Variants in CDH12 observed in about 807,000 individuals in gnomAD.
CDH12 encodes the protein cadherin-12.
A neutral mutation model predicts 74.1 loss-of-function variants in CDH12; 41 were observed. The observed-to-expected ratio is 0.55, with a 90% CI of 0.43 to 0.72. The LOEUF (loss-of-function observed/expected upper bound fraction) is 0.72, where lower values mean the gene tolerates loss of function less well. CDH12 is among the 30% of genes least tolerant of loss of function. The probability of loss-of-function intolerance (pLI) is 0.00; values close to 1 mark genes in which losing one functional copy is unlikely to be tolerated. For synonymous variants in CDH12, 399 were observed against 355.0 expected (o/e 1.12, Z -1.39); for missense variants, 945 against 977.2 (o/e 0.97, Z 0.44).
At position 21,981,441 on chromosome 5, in the gene CDH12, T is replaced by C. The variant is rs535604665; in HGVS notation, c.232-6056A>G. Among the ~76,000 whole-genome samples, 1,363 of 152,204 alleles carry C rather than the reference T, an allele frequency of 9.0e-3. 9 individuals carry two copies. The highest frequency in any genetic ancestry group is 0.016 in the South Asian group (79 of 4,830). On this transcript the variant is annotated intron_variant, in intron 5 of 14. Coordinates refer to ENST00000382254, the MANE Select transcript of CDH12 (RefSeq NM_004061.5). ...TCTATCTGTTAACCCAGCTTAATTTTTGATGCATTTAAAAGTAGGTTGTAG... is the reference window on the plus strand; with the variant it reads ...TCTATCTGTTAACCCAGCTTAATTTCTGATGCATTTAAAAGTAGGTTGTAG...
chr5:21,972,362 C>A lies in CDH12; in HGVS notation c.526+2729G>T, dbSNP rs1361524566. Among the ~76,000 whole-genome samples, 4 of 152,154 alleles carry A rather than the reference C, an allele frequency of 2.6e-5. No individual in the cohort carries two copies. In the East Asian group the frequency reaches 7.7e-4, roughly 29 times the overall value. On this transcript the variant is annotated intron_variant, in intron 6 of 14. Coordinates refer to ENST00000382254, the MANE Select transcript of CDH12 (RefSeq NM_004061.5). ...ATCTACAACAGGCAGTAAGATTCGTCACAACAATTGGTATACTGTCAATAT... is the reference window on the plus strand; with the variant it reads ...ATCTACAACAGGCAGTAAGATTCGTAACAACAATTGGTATACTGTCAATAT...
intron 2 of CDH12, among the ~76,000 whole-genome samples, chr5:22,493,289 T>C (rs577708909): frequency 2.6e-5 from 4 of 152,312 alleles, no homozygotes; most frequent in South Asian, 2.1e-4. Flanking sequence ...ATCTTATAAA[T>C]TAATAATTCA....
chr5:22,570,390 TTACTCCTTTATCCATGTGC>T (rs1336824695), intron 1 of CDH12, among the ~76,000 whole-genome samples: 1 of 152,104 alleles, frequency 6.6e-6, no homozygotes, highest in Non-Finnish European at 1.5e-5. Flanking sequence ...AAACTCAAAA[TTACTCCTTTATCCATGTGC>T]TACAGAAAGG....
chr5:22,295,117 C>T (rs1176328791), intron 3 of CDH12, among the ~76,000 whole-genome samples: 1 of 152,136 alleles, frequency 6.6e-6, no homozygotes, highest in Non-Finnish European at 1.5e-5. Flanking sequence ...CCTTTTGTTT[C>T]AGCAAAGTTG....
Position 22,184,412 on chromosome 5 carries a change from CA to C in CDH12, c.-187+28085del, listed in dbSNP as rs1416451613. The stretch of plus-strand genomic sequence containing the variant: ...TTTTTCCCCTGAGGCAAAGTTAAGG[CA>C]AAAGATAATTTCAGAGCCTTAAATA... On this transcript the variant is annotated intron_variant, in intron 4 of 14. Transcript: ENST00000382254. Among the ~76,000 whole-genome samples, 7 of 152,238 alleles carry C rather than the reference CA, an allele frequency of 4.6e-5. No homozygotes were observed. The South Asian group carries it at 1.0e-3, about 23-fold the overall frequency.
chr5:22,760,675 T>A (rs1746163289), intron 1 of CDH12, among the ~76,000 whole-genome samples: 1 of 64,412 alleles, frequency 1.6e-5, no homozygotes, highest in South Asian at 5.9e-4. Flanking sequence ...TAAGACTCCG[T>A]CTCAAAAAAA....
chr5:22,027,374 G>A (rs1738437822), intron 5 of CDH12, among the ~76,000 whole-genome samples: 1 of 152,180 alleles, frequency 6.6e-6, no homozygotes, highest in African/African-American at 2.4e-5. Flanking sequence ...GATTGGAATA[G>A]TTTCAGAAGG....
chr5:22,286,937 T>A (rs1172137808), intron 3 of CDH12, among the ~76,000 whole-genome samples: 1 of 152,190 alleles, frequency 6.6e-6, no homozygotes, highest in African/African-American at 2.4e-5. Flanking sequence ...AAAGTCCCTA[T>A]ATGCATCTTT....
rs115149250 is a variant in CDH12 at position 22,803,036 on chromosome 5, A to G, written c.-523+50022T>C. Among the ~76,000 whole-genome samples, 723 of 152,216 alleles carry G rather than the reference A, an allele frequency of 4.7e-3. 5 individuals carry two copies. The highest frequency in any genetic ancestry group is 0.017 in the African/African-American group (695 of 41,550). On this transcript the variant is annotated intron_variant, in intron 1 of 14. Transcript: ENST00000382254. ...GTTACAAAGATGAATATTTCCTCTC[A>G]GCTCCTCACTAAAGGAAGCCCAACA...
At chr5:22,599,501 G>T (rs269883) in intron 1 of CDH12, among the ~76,000 whole-genome samples, 73,599 of 151,482 alleles carry the variant, frequency 0.49, 18,040 homozygotes, top group Admixed American at 0.57. Flanking sequence ...CCTCCCTTTT[G>T]AAACTTGCCT....
At chr5:21,777,545 CAG>C (rs1745660647) in intron 11 of CDH12, among the ~76,000 whole-genome samples, 1 of 146,200 alleles carries the variant, frequency 6.8e-6, no homozygotes, top group Non-Finnish European at 1.5e-5. Flanking sequence ...TTTTTTGAGA[CAG>C]AGTCTCACTC....
intron 1 of CDH12, among the ~76,000 whole-genome samples, chr5:22,641,062 A>G (rs945468634): frequency 3.9e-5 from 6 of 152,196 alleles, no homozygotes; most frequent in African/African-American, 1.4e-4. Context: ...AATACGATAG[A>G]TAGACACATA....
At chr5:22,751,178 A>G (rs1403085458) in intron 1 of CDH12, among the ~76,000 whole-genome samples, 1 of 151,706 alleles carries the variant, frequency 6.6e-6, no homozygotes, top group Non-Finnish European at 1.5e-5. Flanking sequence ...CGTTTGGGTA[A>G]TACCTTAAAG....
At chr5:22,831,193 G>T (rs575634644) in intron 1 of CDH12, among the ~76,000 whole-genome samples, 1 of 152,124 alleles carries the variant, frequency 6.6e-6, no homozygotes, top group South Asian at 2.1e-4. Context: ...TTTCTATAAA[G>T]AAAAAACTTT....
At chr5:21,873,221 T>C (rs1279582810) in intron 6 of CDH12, among the ~76,000 whole-genome samples, 2 of 152,168 alleles carry the variant, frequency 1.3e-5, no homozygotes, top group African/African-American at 2.4e-5. Context: ...ATCTCCATTA[T>C]ACCTCCATGT....
At chr5:22,455,920 C>G (rs955755546) in intron 2 of CDH12, among the ~76,000 whole-genome samples, 11 of 152,056 alleles carry the variant, frequency 7.2e-5, no homozygotes, top group Non-Finnish European at 1.2e-4. Context: ...ACACCTTAAA[C>G]AGTGGTGGGT....
chr5:22,057,653 C>T (rs189935050), intron 5 of CDH12, among the ~76,000 whole-genome samples: 1 of 152,264 alleles, frequency 6.6e-6, no homozygotes, highest in Admixed American at 6.5e-5. Flanking sequence ...TGGCTTTCCT[C>T]TATCCTCTCC....
intron 1 of CDH12, among the ~76,000 whole-genome samples, chr5:22,641,818 C>A (rs1739168070): frequency 6.6e-6 from 1 of 152,128 alleles, no homozygotes; most frequent in African/African-American, 2.4e-5. Flanking sequence ...CTGGAGAGGG[C>A]CTTTCTCAGG....
chr5:22,014,710 A>G (rs1274070698), intron 5 of CDH12, among the ~76,000 whole-genome samples: 1 of 152,152 alleles, frequency 6.6e-6, no homozygotes, highest in Non-Finnish European at 1.5e-5. Flanking sequence ...TACCTCATTC[A>G]TAACATCATT....
Sources: allele counts gnomAD v4.1 joint callset (sites outside exome capture counted in the v4.1 genomes callset), GRCh38; gene constraint gnomAD v4.1.1; transcripts MANE v1.5; gene names NCBI Gene and HGNC (gene_info 2026-07-23, HGNC 2026-07-21).